CHST12: variants seen among roughly 807,000 people sequenced by gnomAD.
CHST12 encodes the protein carbohydrate sulfotransferase 12.
Under a neutral mutation model 27.9 loss-of-function variants are expected in CHST12, and 23 were observed. The ratio of observed to expected loss-of-function variants is 0.82; its 90% CI spans 0.59 to 1.17. The LOEUF (loss-of-function observed/expected upper bound fraction) is 1.17. CHST12 is among the 50% of genes most tolerant of loss of function. The pLI is 0.00. For missense variants in CHST12, 682 were observed against 603.0 expected (o/e 1.13, Z -1.37); for synonymous variants, 322 against 273.0 (o/e 1.18, Z -1.77).
chr7:2,403,453 G>A (rs1282637192), upstream of CHST12: 1 of 152,096 alleles, frequency 6.6e-6, no homozygotes, highest in Non-Finnish European at 1.5e-5. Context: ...CGAGGGCGGG[G>A]GCGGGCGGGC....
intron 1 of CHST12, among the ~76,000 whole-genome samples, chr7:2,418,600 G>A (rs776132527): frequency 3.3e-5 from 5 of 152,218 alleles, no homozygotes; most frequent in Admixed American, 3.3e-4. Context: ...TATGGCTTCA[G>A]TGTTGCCCAT....
At position 2,432,957 on chromosome 7, in the gene CHST12, G is replaced by C. The variant is rs1782331305; in HGVS notation, c.318G>C (p.Trp106Cys). 3.7e-6 allele frequency: 6 copies of C among 1,610,070 alleles called. No homozygotes were observed. In the East Asian group the frequency reaches 1.3e-4, roughly 36 times the overall value. ...AGGAGAGCGTGAGAGGCTACGACTG[G>C]TCCCCGCGCGACGCCCGGCGCAGCC... ...SMEESVRGYD[W>C]SPRDARRSPD... Residue 106 changes from tryptophan to cysteine, a missense_variant, in exon 2 of 2, where the codon TGG (tryptophan) becomes TGC (cysteine). By Grantham distance (215) the Trp-to-Cys change is radical. Coordinates refer to ENST00000618655, the MANE Select transcript of CHST12 (RefSeq NM_018641.5).
At position 2,442,798 on chromosome 7, in the gene CHST12, C is replaced by G. The variant is rs1465463474; in HGVS notation, c.*8914C>G. The G allele has an allele frequency of 6.5e-6, 1 of 153,200 alleles. No individual in the cohort carries two copies. Among genetic ancestry groups the G allele is most frequent in the African/African-American group, 2.4e-5 (1 of 41,476 alleles). 9.5% of individuals were successfully genotyped at this position (153,200 alleles called of 1,614,324 possible). On this transcript the variant is annotated 3_prime_UTR_variant, in exon 2 of 2. Coordinates refer to ENST00000618655, the MANE Select transcript of CHST12 (RefSeq NM_018641.5). ...AGGTGAGCGTGCATTCCCGCCGGAG[C>G]CCCGCCTCCCGTCAGATCAGCGGCG...
In CHST12 at chr7:2,432,631, C is replaced by A. The variant is rs1319666883; in HGVS notation, c.-9C>A. The A allele has an allele frequency of 6.2e-7, 1 of 1,600,660 alleles. No homozygotes were observed. The highest frequency in any genetic ancestry group is 1.1e-5 in the South Asian group (1 of 90,108). Reference sequence around the variant, plus strand: ...AGGCCCGGAGAGGGCCCAGCCCGCCCGGGGCAGGATGACCAAGGCCCGGCT... The same window carrying A: ...AGGCCCGGAGAGGGCCCAGCCCGCCAGGGGCAGGATGACCAAGGCCCGGCT... On this transcript the variant is annotated 5_prime_UTR_variant, in exon 2 of 2. Transcript: ENST00000618655.
chr7:2,418,732 C>T (rs749315481), intron 1 of CHST12, among the ~76,000 whole-genome samples: 39 of 152,144 alleles, frequency 2.6e-4, no homozygotes, highest in African/African-American at 3.9e-4. Flanking sequence ...GGCTTCAGGC[C>T]GGAGCTGTGT....
At chr7:2,404,958 A>G (rs1021825626) in intron 1 of CHST12, among the ~76,000 whole-genome samples, 1 of 152,080 alleles carries the variant, frequency 6.6e-6, no homozygotes, top group Non-Finnish European at 1.5e-5. Flanking sequence ...AACTGTGTGG[A>G]GTTGAGACTG....
In CHST12 at chr7:2,441,217, A is replaced by T. The variant is rs1280227627; in HGVS notation, c.*7333A>T. 6.6e-6 allele frequency: 1 copy of T among 152,284 alleles called. No homozygotes were observed. Among genetic ancestry groups the T allele is most frequent in the Non-Finnish European group, 1.5e-5 (1 of 68,164 alleles). The allele number at this position is 152,284 out of a possible 1,614,324, so 9.4% of individuals were successfully genotyped here. ...TGGGGTGGCGTCCAGGCCCGCCTAG[A>T]TGGGGGAGGGAGACAACAGAGCTGC... On this transcript the variant is annotated 3_prime_UTR_variant, in exon 2 of 2. Coordinates refer to ENST00000618655, the MANE Select transcript of CHST12 (RefSeq NM_018641.5).
rs79743047 is a variant in CHST12 at position 2,411,490 on chromosome 7, CTTTTT to C, written c.-78+7831_-78+7835del. 2.9e-4 allele frequency among the ~76,000 whole-genome samples: 25 copies of C among 87,546 alleles called. 1 individual carries two copies. The Admixed American group carries it at 3.3e-3, about 11-fold the overall frequency. 57.4% of individuals were successfully genotyped at this position (87,546 alleles called of 152,430 possible). The stretch of plus-strand genomic sequence containing the variant: ...ATAATTTCTTTGAGTTAACTTAACT[CTTTTT>C]TTTTTTTTTTTTTGAGACGGAGTCT... On this transcript the variant is annotated intron_variant, in intron 1 of 1. Coordinates refer to ENST00000618655, the MANE Select transcript of CHST12 (RefSeq NM_018641.5).
chr7:2,409,431 A>G (rs1562508544), intron 1 of CHST12, among the ~76,000 whole-genome samples: 1 of 152,194 alleles, frequency 6.6e-6, no homozygotes. Context: ...CCTGGGCAAC[A>G]TGGCGAAACC....
At chr7:2,407,464 A>G (rs1267435941) in intron 1 of CHST12, among the ~76,000 whole-genome samples, 1 of 152,112 alleles carries the variant, frequency 6.6e-6, no homozygotes, top group Non-Finnish European at 1.5e-5. Flanking sequence ...ATAAAATAAA[A>G]TACATTTTAA....
In CHST12 at chr7:2,437,658, G is replaced by T. The variant is rs1217493723; in HGVS notation, c.*3774G>T. On this transcript the variant is annotated 3_prime_UTR_variant, in exon 2 of 2. Transcript: ENST00000618655. ...GGTCTGAGCACGTCTGTGCCCTGAGGTGGGTGGTTTGGTGAAGGTGGGGCT... is the reference window on the plus strand; with the variant it reads ...GGTCTGAGCACGTCTGTGCCCTGAGTTGGGTGGTTTGGTGAAGGTGGGGCT... 6.6e-6 allele frequency: 1 copy of T among 152,298 alleles called. No individual in the cohort carries two copies. The highest frequency in any genetic ancestry group is 2.4e-5 in the African/African-American group (1 of 41,412). The allele number at this position is 152,298 out of a possible 1,614,324, so 9.4% of individuals were successfully genotyped here.
At position 2,434,122 on chromosome 7, in the gene CHST12, C is replaced by T. The variant is rs540553689; in HGVS notation, c.*238C>T. The T allele has an allele frequency of 0.014, 4,851 of 346,236 alleles. 172 individuals carry two copies. The highest frequency in any genetic ancestry group is 0.087 in the African/African-American group (3,781 of 43,378). 21.4% of individuals were successfully genotyped at this position (346,236 alleles called of 1,614,324 possible). A position where few individuals can be genotyped will look rare whatever the true frequency, so the allele number is the denominator to read the frequency against. On this transcript the variant is annotated 3_prime_UTR_variant, in exon 2 of 2. Coordinates refer to ENST00000618655, the MANE Select transcript of CHST12 (RefSeq NM_018641.5). ...CCCCTCCGCCCGCCCACCCGCCCGC[C>T]CGCTCGCCCGCTCGCCCGCTCCTGT... is the stretch of plus-strand genomic sequence containing the variant.
chr7:2,429,923 C>G (rs1782230956), intron 1 of CHST12, among the ~76,000 whole-genome samples: 1 of 152,068 alleles, frequency 6.6e-6, no homozygotes, highest in African/African-American at 2.4e-5. Context: ...GCTAGGACTA[C>G]AGGTGCATGC....
intron 1 of CHST12, among the ~76,000 whole-genome samples, chr7:2,425,448 G>C (rs1283627105): frequency 6.6e-6 from 1 of 152,064 alleles, no homozygotes; most frequent in Non-Finnish European, 1.5e-5. Flanking sequence ...CCCCAAAAGG[G>C]CCTATGAGAT....
At position 2,433,375 on chromosome 7, in the gene CHST12, G is replaced by C. The variant is rs771388136; in HGVS notation, c.736G>C (p.Asp246His). The stretch of plus-strand genomic sequence containing the variant: ...GTACACCAAGTTCCTCTTCGTGCGC[G>C]ACCCCTTCGTGCGCCTGATCTCCGC... ...KKYTKFLFVR[D>H]PFVRLISAFR... The change falls in exon 2 of 2, where the codon GAC (aspartate) becomes CAC (histidine). Residue 246 changes from aspartate (D) to histidine (H), a missense_variant. Physicochemically the swap from Asp to His is moderately conservative, Grantham distance 81 (BLOSUM62 -1). Coordinates refer to ENST00000618655, the MANE Select transcript of CHST12 (RefSeq NM_018641.5). This position sits in a 1 kb window ranked among gnomAD's most constrained non-coding sequence, Gnocchi z 6.1. 3.7e-6 allele frequency: 6 copies of C among 1,610,428 alleles called. No individual in the cohort carries two copies.
rs896817158 is a variant in CHST12 at position 2,442,627 on chromosome 7, T to G, written c.*8743T>G. On this transcript the variant is annotated 3_prime_UTR_variant, in exon 2 of 2. Coordinates refer to ENST00000618655, the MANE Select transcript of CHST12 (RefSeq NM_018641.5). The stretch of plus-strand genomic sequence containing the variant: ...ATCCACCCACCTCGGCCTCCCAAAC[T>G]GCTGGGATTACAGGCATGAGACACC... The G allele has an allele frequency of 1.3e-5, 2 of 152,270 alleles. No individual in the cohort carries two copies. Among genetic ancestry groups the G allele is most frequent in the African/African-American group, 4.8e-5 (2 of 41,444 alleles). 9.4% of individuals were successfully genotyped at this position (152,270 alleles called of 1,614,324 possible). A position where few individuals can be genotyped will look rare whatever the true frequency, so the allele number is the denominator to read the frequency against.
Position 2,440,240 on chromosome 7 carries a change from G to A in CHST12, c.*6356G>A, listed in dbSNP as rs1782567349. 1 of 154,248 alleles carries A rather than the reference G, an allele frequency of 6.5e-6. No individual in the cohort carries two copies. The highest frequency in any genetic ancestry group is 2.0e-4 in the South Asian group (1 of 4,918). The allele number at this position is 154,248 out of a possible 1,614,324, so 9.6% of individuals were successfully genotyped here. A position where few individuals can be genotyped will look rare whatever the true frequency, so the allele number is the denominator to read the frequency against. Reference sequence around the variant, plus strand: ...CTTGTCTGATGAGGATCTGTTGGTTGACTTTGACAGTGATAAACGAACACA... The same window carrying A: ...CTTGTCTGATGAGGATCTGTTGGTTAACTTTGACAGTGATAAACGAACACA... On this transcript the variant is annotated 3_prime_UTR_variant, in exon 2 of 2. Coordinates refer to ENST00000618655, the MANE Select transcript of CHST12 (RefSeq NM_018641.5).
In CHST12 at chr7:2,439,127, G is replaced by A. The variant is rs1782542671; in HGVS notation, c.*5243G>A. ...TCAGCTGATTTGGGTTGGATTTCTA[G>A]CGTTTCACATACAGGATCTAGACTC... On this transcript the variant is annotated 3_prime_UTR_variant, in exon 2 of 2. Coordinates refer to ENST00000618655, the MANE Select transcript of CHST12 (RefSeq NM_018641.5). The A allele has an allele frequency of 6.6e-6, 1 of 152,216 alleles. No individual in the cohort carries two copies. The highest frequency in any genetic ancestry group is 2.4e-5 in the African/African-American group (1 of 41,452). 9.4% of individuals were successfully genotyped at this position (152,216 alleles called of 1,614,324 possible).
At chr7:2,406,912 A>G (rs1781541570) in intron 1 of CHST12, among the ~76,000 whole-genome samples, 1 of 152,152 alleles carries the variant, frequency 6.6e-6, no homozygotes, top group Non-Finnish European at 1.5e-5. Flanking sequence ...CTTAGAAAGC[A>G]GGCTGTCATT....
Sources: gnomAD v4.1 joint callset for allele counts (sites outside exome capture counted in the v4.1 genomes callset) on GRCh38, gnomAD v4.1.1 for gene constraint, Gnocchi (gnomAD v3.1) non-coding constraint, MANE v1.5 for transcripts, NCBI Gene and HGNC (gene_info 2026-07-23, HGNC 2026-07-21) for gene names.